WDFY4: variants seen among roughly 807,000 people sequenced by gnomAD.
The protein encoded by WDFY4 is WD repeat- and FYVE domain-containing protein 4.
Under a neutral mutation model 351.9 loss-of-function variants are expected in WDFY4, and 169 were observed. The ratio of observed to expected loss-of-function variants is 0.48; its 90% CI spans 0.42 to 0.55. The LOEUF (loss-of-function observed/expected upper bound fraction) is 0.55. Among genes scored for constraint, WDFY4 ranks in the 20% least tolerant of loss-of-function variants. WDFY4 has a pLI of 0.00. For synonymous variants in WDFY4, 1,622 were observed against 1,574.6 expected (o/e 1.03, Z -0.71); for missense variants, 3,803 against 3,935.6 (o/e 0.97, Z 0.90).
intron 39 of WDFY4, among the ~76,000 whole-genome samples, chr10:48,862,569 A>G (rs762555343): frequency 3.3e-5 from 5 of 152,206 alleles, no homozygotes; most frequent in Non-Finnish European, 7.3e-5. Flanking sequence ...GAAACAGCTC[A>G]AGGTTGTTCT....
At chr10:48,693,400 G>A (rs2063247832) in intron 1 of WDFY4, among the ~76,000 whole-genome samples, 1 of 152,194 alleles carries the variant, frequency 6.6e-6, no homozygotes, top group Non-Finnish European at 1.5e-5. Flanking sequence ...CAGAGGACCT[G>A]TGTCACCCAA....
chr10:48,766,997 C>T (rs927059265), intron 13 of WDFY4, among the ~76,000 whole-genome samples: 2 of 152,170 alleles, frequency 1.3e-5, no homozygotes, highest in Admixed American at 1.3e-4. Context: ...AGCAGAAGCC[C>T]ACCCAAATGA....
intron 55 of WDFY4, chr10:48,968,754 C>T (rs575452288): frequency 1.5e-4 from 60 of 394,506 alleles, no homozygotes; most frequent in African/African-American, 8.5e-4. Flanking sequence ...CTCCAAATCC[C>T]GTGCTGTGAG....
chr10:48,692,299 A>T (rs1032735069), intron 1 of WDFY4, among the ~76,000 whole-genome samples: 2 of 152,218 alleles, frequency 1.3e-5, no homozygotes, highest in African/African-American at 4.8e-5. Context: ...CCTGTGGGCC[A>T]GGACACCTTT....
chr10:48,821,034 C>T, intron 33 of WDFY4, 28 bp from the exon 34 acceptor site: 1 of 1,510,348 alleles, frequency 6.6e-7, no homozygotes, highest in South Asian at 1.2e-5. Flanking sequence ...CCTGTGGTTG[C>T]TGTCTCAGTC....
chr10:48,982,656 A>C lies in WDFY4; in HGVS notation c.*81A>C, dbSNP rs892234396. On this transcript the variant is annotated 3_prime_UTR_variant, in exon 62 of 62. Coordinates refer to ENST00000325239, the MANE Select transcript of WDFY4 (RefSeq NM_001394531.1). ...GGTGACTGGGGCCTGAGCTCTGCCT[A>C]CAGAAGAAACCCCCAGGGCCTCCTT... is the stretch of plus-strand genomic sequence containing the variant. The C allele has an allele frequency of 7.1e-7, 1 of 1,410,690 alleles. No individual in the cohort carries two copies. The highest frequency in any genetic ancestry group is 9.7e-7 in the Non-Finnish European group (1 of 1,026,242). 87.4% of individuals were successfully genotyped at this position (1,410,690 alleles called of 1,614,324 possible). A position where few individuals can be genotyped will look rare whatever the true frequency, so the allele number is the denominator to read the frequency against.
chr10:48,690,983 G>A (rs2063178324), intron 1 of WDFY4, among the ~76,000 whole-genome samples: 1 of 152,156 alleles, frequency 6.6e-6, no homozygotes, highest in African/African-American at 2.4e-5. Flanking sequence ...ACTCCACCCA[G>A]GAGCCTATCT....
chr10:48,740,259 A>G (rs1185558033), intron 11 of WDFY4, among the ~76,000 whole-genome samples: 1 of 152,224 alleles, frequency 6.6e-6, no homozygotes, highest in Admixed American at 6.5e-5. Flanking sequence ...CGCGTGCCGT[A>G]CCACATCGCA....
chr10:48,741,829 A>C (rs184488236), intron 11 of WDFY4, among the ~76,000 whole-genome samples: 3 of 152,064 alleles, frequency 2.0e-5, no homozygotes. Context: ...AACAATTCAC[A>C]CCTCTCTCCG....
intron 39 of WDFY4, among the ~76,000 whole-genome samples, chr10:48,844,114 C>T (rs2068698448): frequency 6.6e-6 from 1 of 152,226 alleles, no homozygotes; most frequent in Admixed American, 6.5e-5. Context: ...CCCTGGGACC[C>T]ATCTATTATG....
chr10:48,768,728 AG>A (rs2065761933), intron 13 of WDFY4, among the ~76,000 whole-genome samples: 2 of 90,542 alleles, frequency 2.2e-5, no homozygotes, highest in Non-Finnish European at 5.2e-5. Context: ...AGGAGAAGAG[AG>A]AGAGAGAGAG....
intron 47 of WDFY4, chr10:48,913,808 C>T (rs755602650): frequency 1.2e-6 from 2 of 1,613,976 alleles, no homozygotes; most frequent in Admixed American, 1.7e-5. Context: ...GTTGCTTCAG[C>T]TCCACGGGCA....
At chr10:48,801,020 A>G (rs1418898908) in intron 24 of WDFY4, among the ~76,000 whole-genome samples, 1 of 152,120 alleles carries the variant, frequency 6.6e-6, no homozygotes, top group Non-Finnish European at 1.5e-5. Flanking sequence ...GGCATGAGCC[A>G]CCATACCCAG....
chr10:48,844,204 G>A (rs2068701661), intron 39 of WDFY4, among the ~76,000 whole-genome samples: 1 of 152,234 alleles, frequency 6.6e-6, no homozygotes, highest in Non-Finnish European at 1.5e-5. Flanking sequence ...CTTCGTTGTT[G>A]TTGATGGGGG....
intron 59 of WDFY4, among the ~76,000 whole-genome samples, chr10:48,977,283 C>T (rs1415542148): frequency 6.6e-6 from 1 of 152,138 alleles, no homozygotes; most frequent in African/African-American, 2.4e-5. Context: ...TATCCCAATG[C>T]TAAAAGGAGA....
chr10:48,806,482 T>G (rs1052204236), intron 27 of WDFY4, among the ~76,000 whole-genome samples: 1 of 152,200 alleles, frequency 6.6e-6, no homozygotes, highest in Non-Finnish European at 1.5e-5. Context: ...CCTCTGTCCG[T>G]GCTTGGCACG....
chr10:48,785,677 C>A (rs1406657211), intron 19 of WDFY4, among the ~76,000 whole-genome samples: 1 of 152,174 alleles, frequency 6.6e-6, no homozygotes, highest in Non-Finnish European at 1.5e-5. Context: ...GTTCTCTATT[C>A]TGTTCCATCG....
Position 48,982,672 on chromosome 10 carries a change from G to T in WDFY4, c.*97G>T. On this transcript the variant is annotated 3_prime_UTR_variant, in exon 62 of 62. Transcript: ENST00000325239. ...GCTCTGCCTACAGAAGAAACCCCCA[G>T]GGCCTCCTTCCCCACAGTTCTCAAG... 1 of 1,269,190 alleles carries T rather than the reference G, an allele frequency of 7.9e-7. No homozygotes were observed. The highest frequency in any genetic ancestry group is 1.1e-6 in the Non-Finnish European group (1 of 901,296). The allele number at this position is 1,269,190 out of a possible 1,614,324, so 78.6% of individuals were successfully genotyped here.
At chr10:48,974,527 A>AAAAAAAAAAAAAAAAAAAAAAACAAC in intron 57 of WDFY4, among the ~76,000 whole-genome samples, 5 of 23,198 alleles carry the variant, frequency 2.2e-4, no homozygotes, top group African/African-American at 3.6e-4. Context: ...AAAAAAAAAA[A>AAAAAAAAAAAAAAAAAAAAAAACAAC]AACAACTCAT....
Sources: gnomAD v4.1 joint callset for allele counts (sites outside exome capture counted in the v4.1 genomes callset) on GRCh38, gnomAD v4.1.1 for gene constraint, MANE v1.5 for transcripts, NCBI Gene and HGNC (gene_info 2026-07-23, HGNC 2026-07-21) for gene names.